Variants in MAN2A1 observed in about 807,000 individuals in gnomAD.
MAN2A1 encodes alpha-mannosidase 2.
A neutral mutation model predicts 142.6 loss-of-function variants in MAN2A1; 76 were observed. The observed-to-expected ratio is 0.53, with a 90% CI of 0.44 to 0.65. MAN2A1 has a LOEUF of 0.65. Ranked by LOEUF, MAN2A1 falls within the 30% of genes least tolerant of loss-of-function variation. MAN2A1 has a pLI of 0.00. For synonymous variants in MAN2A1, 559 were observed against 473.2 expected, an observed-to-expected ratio of 1.18 and a Z score of -2.35; for missense variants, 1,311 against 1,365.1, an observed-to-expected ratio of 0.96 and a Z score of 0.62.
rs376372900 is a variant in MAN2A1, at chr5:109,827,461, C to T, written c.2566+3624C>T. 2.2e-4 allele frequency among the ~76,000 whole-genome samples: 34 copies of T among 152,288 alleles called. No homozygotes were observed. The South Asian group carries it at 6.8e-3, about 31-fold the overall frequency. ...GCCCAAATTAAGCTTCAGGAGAAAACAAAATCAAGAACGACAAGCAACATT... is the reference window on the plus strand; with the variant it reads ...GCCCAAATTAAGCTTCAGGAGAAAATAAAATCAAGAACGACAAGCAACATT... On this transcript the variant is annotated intron_variant, in intron 16 of 21. Transcript: ENST00000261483.
At chr5:109,735,351 TGG>T (rs1342173875) in intron 4 of MAN2A1, among the ~76,000 whole-genome samples, 1 of 152,248 alleles carries the variant, frequency 6.6e-6, no homozygotes, top group African/African-American at 2.4e-5. Flanking sequence ...GTCTTTTAAT[TGG>T]AGCATTTAGT....
At chr5:109,755,059 G>A (rs867908707) in intron 4 of MAN2A1, among the ~76,000 whole-genome samples, 1 of 152,146 alleles carries the variant, frequency 6.6e-6, no homozygotes, top group African/African-American at 2.4e-5. Context: ...AATCTTTGAG[G>A]CTGTATGGGA....
intron 3 of MAN2A1, among the ~76,000 whole-genome samples, chr5:109,718,074 G>A (rs1019102465): frequency 2.0e-5 from 3 of 152,050 alleles, no homozygotes; most frequent in Non-Finnish European, 4.4e-5. Context: ...GTGAAATGGT[G>A]GCAGAGCCAC....
chr5:109,757,689 C>G (rs1032248081), intron 5 of MAN2A1, among the ~76,000 whole-genome samples: 2 of 152,148 alleles, frequency 1.3e-5, no homozygotes, highest in African/African-American at 4.8e-5. Flanking sequence ...GTAGTAGTCA[C>G]TCCCCTTCCT....
At chr5:109,787,571 TAC>T (rs2112675963) in intron 10 of MAN2A1, among the ~76,000 whole-genome samples, 1 of 152,144 alleles carries the variant, frequency 6.6e-6, no homozygotes, top group South Asian at 2.1e-4. Context: ...GGGAGTGATA[TAC>T]TGTAGTCTTT....
Position 109,823,710 on chromosome 5 carries a change from A to T in MAN2A1, c.2452-13A>T. 7.4e-7 allele frequency: 1 copy of T among 1,346,808 alleles called. No homozygotes were observed. Among genetic ancestry groups the T allele is most frequent in the Non-Finnish European group, 1.1e-6 (1 of 941,746 alleles). The allele number at this position is 1,346,808 out of a possible 1,614,324, so 83.4% of individuals were successfully genotyped here. On this transcript the variant is annotated splice_polypyrimidine_tract_variant and intron_variant, in intron 15 of 21. Transcript: ENST00000261483. ...CCAAAATATTTTTCTTAAATATATT[A>T]TTTTCTTTTCAGCCTTATGTTTACA...
chr5:109,766,808 A>C (rs778460566), intron 5 of MAN2A1, among the ~76,000 whole-genome samples: 4 of 152,180 alleles, frequency 2.6e-5, no homozygotes, highest in Admixed American at 6.5e-5. Context: ...TAGATGAACA[A>C]TCTTATTCTA....
intron 1 of MAN2A1, among the ~76,000 whole-genome samples, chr5:109,713,174 T>G (rs1043193802): frequency 3.3e-5 from 5 of 152,210 alleles, no homozygotes; most frequent in African/African-American, 1.2e-4. Flanking sequence ...ATTTCATACC[T>G]GAATATAATA....
intron 4 of MAN2A1, among the ~76,000 whole-genome samples, chr5:109,749,984 G>A (rs13180410): frequency 0.15 from 22,084 of 151,886 alleles, 2,601 homozygotes; most frequent in East Asian, 0.64. Flanking sequence ...AACAACAGTG[G>A]CTTTAAGTAT....
In MAN2A1 at chr5:109,818,071, T is replaced by TA. The variant is rs529741150; in HGVS notation, c.2109+634dup. Among the ~76,000 whole-genome samples, 240 of 152,274 alleles carry TA rather than the reference T, an allele frequency of 1.6e-3. 1 individual carries two copies. The highest frequency in any genetic ancestry group is 5.4e-3 in the African/African-American group (226 of 41,540). Reference sequence around the variant, plus strand: ...GTCATTTAAACGGCATTTCTGGAGATACAGCCATAAACTAGGAACTCTAAG... The same window carrying TA: ...GTCATTTAAACGGCATTTCTGGAGATAACAGCCATAAACTAGGAACTCTAAG... On this transcript the variant is annotated intron_variant, in intron 13 of 21. Transcript: ENST00000261483.
At chr5:109,797,960 C>G (rs138710926) in intron 12 of MAN2A1, among the ~76,000 whole-genome samples, 1 of 152,106 alleles carries the variant, frequency 6.6e-6, no homozygotes, top group African/African-American at 2.4e-5. Flanking sequence ...CACAGGCACA[C>G]TTCCCATATT....
At chr5:109,814,721 G>A (rs570909194) in intron 12 of MAN2A1, among the ~76,000 whole-genome samples, 2 of 152,026 alleles carry the variant, frequency 1.3e-5, no homozygotes. Context: ...ATTATAAAAA[G>A]TGATTTAATA....
intron 1 of MAN2A1, among the ~76,000 whole-genome samples, chr5:109,708,272 T>G (rs1271775452): frequency 6.6e-6 from 1 of 152,108 alleles, no homozygotes; most frequent in Non-Finnish European, 1.5e-5. Flanking sequence ...CAGAGTGCTT[T>G]TCATCAGGCT....
At chr5:109,735,782 C>G (rs1199415967) in intron 4 of MAN2A1, among the ~76,000 whole-genome samples, 3 of 151,592 alleles carry the variant, frequency 2.0e-5, no homozygotes, top group Non-Finnish European at 4.4e-5. Flanking sequence ...TCTTCGTACT[C>G]CATCAAAAAA....
intron 3 of MAN2A1, among the ~76,000 whole-genome samples, chr5:109,727,255 G>C (rs563545390): frequency 2.9e-4 from 44 of 152,100 alleles, no homozygotes; most frequent in Non-Finnish European, 5.9e-5. Context: ...AGAAGTCCAA[G>C]ATCAAGGTGT....
chr5:109,821,407 G>T (rs1458604401), intron 15 of MAN2A1, among the ~76,000 whole-genome samples: 6 of 152,116 alleles, frequency 3.9e-5, no homozygotes, highest in Non-Finnish European at 8.8e-5. Context: ...ATGCTACAAT[G>T]CAATTCTGAT....
intron 3 of MAN2A1, among the ~76,000 whole-genome samples, chr5:109,727,743 A>T (rs1751785517): frequency 6.6e-6 from 1 of 152,116 alleles, no homozygotes; most frequent in Admixed American, 6.6e-5. Flanking sequence ...ATGTTTTTTA[A>T]CTTGGTAGTG....
chr5:109,748,549 A>C (rs745507262), intron 4 of MAN2A1, among the ~76,000 whole-genome samples: 1 of 152,114 alleles, frequency 6.6e-6, no homozygotes, highest in African/African-American at 2.4e-5. Flanking sequence ...TAGACATACA[A>C]ATATGCAATT....
At chr5:109,728,375 C>T (rs1281078640) in intron 3 of MAN2A1, among the ~76,000 whole-genome samples, 1 of 152,130 alleles carries the variant, frequency 6.6e-6, no homozygotes, top group Non-Finnish European at 1.5e-5. Context: ...AGTTTGGAAA[C>T]AATAGACCAA....
Sources: allele counts gnomAD v4.1 joint callset (sites outside exome capture counted in the v4.1 genomes callset), GRCh38; gene constraint gnomAD v4.1.1; transcripts MANE v1.5; gene names NCBI Gene and HGNC (gene_info 2026-07-23, HGNC 2026-07-21).